MAF: variants seen among roughly 807,000 people sequenced by gnomAD.
MAF encodes the protein transcription factor Maf.
MAF carries 10 observed loss-of-function variants against 22.0 expected under a neutral mutation model. The observed-to-expected ratio is 0.45, with a 90% CI of 0.28 to 0.77. The LOEUF (loss-of-function observed/expected upper bound fraction) is 0.77, where lower values mean the gene tolerates loss of function less well. Ranked by LOEUF, MAF falls within the 30% of genes least tolerant of loss-of-function variation. The pLI is 0.12. For missense variants in MAF, 544 were observed against 548.4 expected (o/e 0.99, Z 0.08); for synonymous variants, 337 against 255.8 (o/e 1.32, Z -3.03).
chr16:79,440,764 C>T, the MAF span, among the ~76,000 whole-genome samples: 1 of 152,324 alleles, frequency 6.6e-6, no homozygotes, highest in Middle Eastern at 3.4e-3. Context: ...TTCAGAATGG[C>T]TTGCTGTTAT....
the MAF span, among the ~76,000 whole-genome samples, chr16:79,552,234 G>A: frequency 4.0e-5 from 6 of 149,188 alleles, no homozygotes; most frequent in Non-Finnish European, 8.9e-5. Context: ...TTTTTTTTCA[G>A]TCAGTGTCTT....
At chr16:79,532,524 A>T in the MAF span, among the ~76,000 whole-genome samples, 1 of 152,134 alleles carries the variant, frequency 6.6e-6, no homozygotes, top group African/African-American at 2.4e-5. Flanking sequence ...ACTGTTCTCG[A>T]CTCCGGAGAG....
At chr16:79,542,099 G>A in the MAF span, among the ~76,000 whole-genome samples, 3 of 152,206 alleles carry the variant, frequency 2.0e-5, no homozygotes, top group African/African-American at 7.2e-5. Flanking sequence ...AGTCTTTGGT[G>A]ACAATTTCCT....
the MAF span, among the ~76,000 whole-genome samples, chr16:79,435,252 A>G: frequency 6.6e-6 from 1 of 152,092 alleles, no homozygotes; most frequent in Non-Finnish European, 1.5e-5. Flanking sequence ...CTGTGCACAC[A>G]CACACACACA....
the MAF span, among the ~76,000 whole-genome samples, chr16:79,300,478 C>G: frequency 6.6e-6 from 1 of 152,090 alleles, no homozygotes; most frequent in African/African-American, 2.4e-5. Flanking sequence ...TCACTTGAAC[C>G]CGGGAGGTGG....
At chr16:79,220,540 T>C in the MAF span, among the ~76,000 whole-genome samples, 2 of 152,182 alleles carry the variant, frequency 1.3e-5, no homozygotes, top group Non-Finnish European at 2.9e-5. Context: ...AGCGAACAGA[T>C]AGATATATGG....
chr16:79,300,717 AC>A, the MAF span, among the ~76,000 whole-genome samples: 5 of 151,668 alleles, frequency 3.3e-5, no homozygotes, highest in African/African-American at 1.2e-4. Flanking sequence ...TTTTGGAGAG[AC>A]AAAAAAAATT....
At chr16:79,354,668 A>C in the MAF span, among the ~76,000 whole-genome samples, 1 of 152,200 alleles carries the variant, frequency 6.6e-6, no homozygotes. Context: ...GTGCCATTTT[A>C]TGCCCATTTG....
the MAF span, among the ~76,000 whole-genome samples, chr16:79,489,448 T>A: frequency 8.9e-4 from 136 of 152,276 alleles, no homozygotes; most frequent in Middle Eastern, 6.8e-3. Flanking sequence ...GTAAGAGGAG[T>A]TGATTCCCTG....
the MAF span, among the ~76,000 whole-genome samples, chr16:79,262,986 C>T: frequency 6.6e-6 from 1 of 152,110 alleles, no homozygotes; most frequent in South Asian, 2.1e-4. Flanking sequence ...TCGTGTCAAA[C>T]AAAAGGAGCA....
At chr16:79,436,839 G>A in the MAF span, among the ~76,000 whole-genome samples, 1 of 152,220 alleles carries the variant, frequency 6.6e-6, no homozygotes, top group African/African-American at 2.4e-5. Flanking sequence ...GCAGGACCCA[G>A]CATCTGGAGA....
the MAF span, among the ~76,000 whole-genome samples, chr16:79,460,661 G>T: frequency 6.6e-6 from 1 of 152,232 alleles, no homozygotes; most frequent in South Asian, 2.1e-4. Flanking sequence ...AATCTTGATT[G>T]AAGTTCCTTG....
At chr16:79,566,008 A>G in the MAF span, among the ~76,000 whole-genome samples, 2 of 152,164 alleles carry the variant, frequency 1.3e-5, no homozygotes, top group Non-Finnish European at 2.9e-5. Context: ...CCCTGCACTG[A>G]TAGACCCTGG....
At chr16:79,502,708 A>AATATAAATATATATATATATATAT in the MAF span, among the ~76,000 whole-genome samples, 1 of 34,002 alleles carries the variant, frequency 2.9e-5, no homozygotes. Context: ...TATAAATATA[A>AATATAAATATATATATATATATAT]ATATATATAT....
chr16:79,450,543 G>C, the MAF span, among the ~76,000 whole-genome samples: 10 of 152,202 alleles, frequency 6.6e-5, no homozygotes, highest in Non-Finnish European at 1.0e-4. Context: ...TAGCAAACTA[G>C]TGAAGAACGT....
chr16:79,405,947 C>A, the MAF span, among the ~76,000 whole-genome samples: 3 of 152,196 alleles, frequency 2.0e-5, no homozygotes, highest in African/African-American at 7.2e-5. Flanking sequence ...TATCTCACTG[C>A]CCACGGCTTC....
At chr16:79,551,397 G>T in the MAF span, among the ~76,000 whole-genome samples, 1 of 152,290 alleles carries the variant, frequency 6.6e-6, no homozygotes, top group African/African-American at 2.4e-5. Flanking sequence ...TGGCAGAAGC[G>T]CATGCCCTGT....
the MAF span, among the ~76,000 whole-genome samples, chr16:79,355,805 T>C: frequency 6.6e-6 from 1 of 152,116 alleles, no homozygotes; most frequent in East Asian, 1.9e-4. Flanking sequence ...ATGGGCGGCG[T>C]GTGGGGAGGG....
At chr16:79,213,099 C>A in the MAF span, among the ~76,000 whole-genome samples, 456 of 152,294 alleles carry the variant, frequency 3.0e-3, 1 homozygote, top group Non-Finnish European at 4.4e-3. Context: ...CATCCCATCT[C>A]ATGGACACCA....
Sources: gnomAD v4.1 joint callset for allele counts (sites outside exome capture counted in the v4.1 genomes callset) on GRCh38, gnomAD v4.1.1 for gene constraint, MANE v1.5 for transcripts, NCBI Gene and HGNC (gene_info 2026-07-23, HGNC 2026-07-21) for gene names.